XAB2: variants seen among roughly 807,000 people sequenced by gnomAD.
XAB2 encodes pre-mRNA-splicing factor SYF1.
A neutral mutation model predicts 113.4 loss-of-function variants in XAB2; 57 were observed. That is an observed-to-expected ratio of 0.50 (90% CI 0.41 to 0.63). The LOEUF (loss-of-function observed/expected upper bound fraction) is 0.63, where lower values mean the gene tolerates loss of function less well. Ranked by LOEUF, XAB2 falls within the 20% of genes least tolerant of loss-of-function variation. XAB2 has a pLI of 0.00. For synonymous variants in XAB2, 497 were observed against 498.8 expected (o/e 1.00, Z 0.05); for missense variants, 1,037 against 1,233.3 (o/e 0.84, Z 2.38).
rs1475982663 is a variant in XAB2, at chr19:7,625,825, G to A, written c.822+55C>T. 5.8e-6 allele frequency: 9 copies of A among 1,547,104 alleles called. No individual in the cohort carries two copies. The highest frequency in any genetic ancestry group is 1.9e-5 in the Admixed American group (1 of 53,146). On this transcript the variant is annotated intron_variant, in intron 6 of 18. Coordinates refer to ENST00000358368, the MANE Select transcript of XAB2 (RefSeq NM_020196.3). The surrounding 1 kb of genome is among the most constrained non-coding windows in gnomAD (Gnocchi z 5.2). ...TGTGCATGTGTCAACATGTGTCCCCGAGTGTCGGAGGGAGACCCCGCCCCG... is the reference window on the plus strand; with the variant it reads ...TGTGCATGTGTCAACATGTGTCCCCAAGTGTCGGAGGGAGACCCCGCCCCG...
chr19:7,623,369 G>A lies in XAB2; in HGVS notation c.1120-80C>T. 1.9e-6 allele frequency: 3 copies of A among 1,575,150 alleles called. No homozygotes were observed. Among genetic ancestry groups the A allele is most frequent in the Non-Finnish European group, 2.6e-6 (3 of 1,158,236 alleles). ...CGGGGCAGAGCTGTGGCTCTGAGGG[G>A]TGGGGCCTGGAGGGTGCTGTGGCCC... On this transcript the variant is annotated intron_variant, in intron 8 of 18. Coordinates refer to ENST00000358368, the MANE Select transcript of XAB2 (RefSeq NM_020196.3). The surrounding 1 kb of genome is among the most constrained non-coding windows in gnomAD (Gnocchi z 4.6).
At position 7,623,651 on chromosome 19, in the gene XAB2, A is replaced by C; in HGVS notation, c.1119+80T>G. ...CAAAGTCAGGCCCCTAGAAGGTGACATTATGGGTGAAGGTGGGTGGCTCCC... is the reference window on the plus strand; with the variant it reads ...CAAAGTCAGGCCCCTAGAAGGTGACCTTATGGGTGAAGGTGGGTGGCTCCC... On this transcript the variant is annotated intron_variant, in intron 8 of 18. Coordinates refer to ENST00000358368, the MANE Select transcript of XAB2 (RefSeq NM_020196.3). This position sits in a 1 kb window ranked among gnomAD's most constrained non-coding sequence, Gnocchi z 4.6. 6.6e-7 allele frequency: 1 copy of C among 1,504,396 alleles called. No homozygotes were observed. Among genetic ancestry groups the C allele is most frequent in the African/African-American group, 1.4e-5 (1 of 72,072 alleles). 93.2% of individuals were successfully genotyped at this position (1,504,396 alleles called of 1,614,324 possible).
intron 10 of XAB2, 41 bp from the exon 11 acceptor site, chr19:7,622,702 G>A: frequency 6.2e-7 from 1 of 1,610,392 alleles, no homozygotes; most frequent in South Asian, 1.1e-5. Flanking sequence ...CTCAGGGGCT[G>A]TCCCTGGCCC....
In XAB2 at chr19:7,623,333, C is replaced by A; in HGVS notation, c.1120-44G>T. ...AGGTCATATAGGACTCAGGACCCTGCAGATGACGGTCGGGGCAGAGCTGTG... is the reference window on the plus strand; with the variant it reads ...AGGTCATATAGGACTCAGGACCCTGAAGATGACGGTCGGGGCAGAGCTGTG... On this transcript the variant is annotated intron_variant, in intron 8 of 18. Coordinates refer to ENST00000358368, the MANE Select transcript of XAB2 (RefSeq NM_020196.3). This position sits in a 1 kb window ranked among gnomAD's most constrained non-coding sequence, Gnocchi z 4.6. The A allele has an allele frequency of 6.2e-7, 1 of 1,603,270 alleles. No homozygotes were observed. Among genetic ancestry groups the A allele is most frequent in the Non-Finnish European group, 8.5e-7 (1 of 1,173,878 alleles).
At position 7,625,625 on chromosome 19, in the gene XAB2, C is replaced by T. The variant is rs1165688923; in HGVS notation, c.822+255G>A. Among the ~76,000 whole-genome samples the T allele has an allele frequency of 5.9e-5, 9 of 152,058 alleles. No individual in the cohort carries two copies. The highest frequency in any genetic ancestry group is 2.1e-4 in the South Asian group (1 of 4,808). Reference sequence around the variant, plus strand: ...TCCCGAGTAGCTGGGATTACAGGCGCGCACCACCATGTCTGACTAATTTTT... The same window carrying T: ...TCCCGAGTAGCTGGGATTACAGGCGTGCACCACCATGTCTGACTAATTTTT... On this transcript the variant is annotated intron_variant, in intron 6 of 18. Coordinates refer to ENST00000358368, the MANE Select transcript of XAB2 (RefSeq NM_020196.3). This position sits in a 1 kb window ranked among gnomAD's most constrained non-coding sequence, Gnocchi z 5.2.
At position 7,619,736 on chromosome 19, in the gene XAB2, C is replaced by A; in HGVS notation, c.2506+11G>T. The A allele has an allele frequency of 6.2e-7, 1 of 1,613,334 alleles. No individual in the cohort carries two copies. The highest frequency in any genetic ancestry group is 8.5e-7 in the Non-Finnish European group (1 of 1,179,696). On this transcript the variant is annotated intron_variant, in intron 18 of 18. Coordinates refer to ENST00000358368, the MANE Select transcript of XAB2 (RefSeq NM_020196.3). ...GTAATGCCACCGTCCCCGCCCCAGC[C>A]GGGCCCTCACCGTTGGGCTCCAGGT... is the stretch of plus-strand genomic sequence containing the variant.
rs182751570 is a variant in XAB2 at position 7,625,850 on chromosome 19, G to A, written c.822+30C>T. 7.3e-3 allele frequency: 11,528 copies of A among 1,574,038 alleles called. 71 individuals carry two copies. The highest frequency in any genetic ancestry group is 0.02 in the Middle Eastern group (118 of 5,854). On this transcript the variant is annotated intron_variant, in intron 6 of 18. Transcript: ENST00000358368. The surrounding 1 kb of genome is among the most constrained non-coding windows in gnomAD (Gnocchi z 5.2). ...GAGTGTCGGAGGGAGACCCCGCCCC[G>A]AACCCAGAGCCCCGTGTGCCAGCAT...
intron 16 of XAB2, 27 bp from the exon 17 acceptor site, chr19:7,620,102 GCCACGGGGGCCCCTC>G (rs758954156): frequency 2.4e-5 from 39 of 1,605,776 alleles, no homozygotes; most frequent in Admixed American, 6.7e-5. Flanking sequence ...GGGGGTCAGC[GCCACGGGGGCCCCTC>G]CCACACATCG....
intron 1 of XAB2, 126 bp downstream of exon 1, chr19:7,629,351 A>G (rs1028607434): frequency 1.7e-6 from 2 of 1,148,770 alleles, no homozygotes; most frequent in African/African-American, 3.1e-5. Context: ...CTGGCCCATT[A>G]GGGTTCCCAG....
Position 7,629,494 on chromosome 19 carries a change from G to C in XAB2, c.34C>G (p.Arg12Gly). 1 of 1,603,346 alleles carries C rather than the reference G, an allele frequency of 6.2e-7. No individual in the cohort carries two copies. The highest frequency in any genetic ancestry group is 8.5e-7 in the Non-Finnish European group (1 of 1,175,256). The change falls in exon 1 of 19, where the codon CGG becomes GGG. Residue 12 changes from arginine to glycine, a missense_variant. Transcript: ENST00000358368. ...VVMARLSRPERPDLVFEEEDL... is the reference protein window; with the variant it reads ...VVMARLSRPEGPDLVFEEEDL... ...GGACTCACGAAGACAAGGTCCGGCCGCTCGGGCCGCGAGAGTCGCGCCATC... is the reference window on the plus strand; with the variant it reads ...GGACTCACGAAGACAAGGTCCGGCCCCTCGGGCCGCGAGAGTCGCGCCATC...
Position 7,619,617 on chromosome 19 carries a change from G to A in XAB2, c.2537C>T (p.Ala846Val). The A allele has an allele frequency of 6.2e-7, 1 of 1,603,068 alleles. No homozygotes were observed. Among genetic ancestry groups the A allele is most frequent in the Non-Finnish European group, 8.5e-7 (1 of 1,174,518 alleles). Residue 846 changes from alanine (A) to valine (V), a missense_variant, in exon 19 of 19, where the codon GCC becomes GTC. Ala to Val is a moderately conservative substitution (Grantham distance 64). Transcript: ENST00000358368. ...EVRLEQQSVP[A>V]AVFGSLKED is the part of the protein sequence containing the mutation. ...TTCCTTCAGGCTCCCAAACACTGCG[G>A]CTGGCACGCTCTGCTGCTCCAGCCG... is the stretch of plus-strand genomic sequence containing the variant.
rs1054192942 is a variant in XAB2 at position 7,620,147 on chromosome 19, C to G, written c.2267-72G>C. 2.0e-5 allele frequency: 32 copies of G among 1,593,612 alleles called. No homozygotes were observed. The East Asian group carries it at 6.7e-4, about 34-fold the overall frequency. On this transcript the variant is annotated intron_variant, in intron 16 of 18. Coordinates refer to ENST00000358368, the MANE Select transcript of XAB2 (RefSeq NM_020196.3). Reference sequence around the variant, plus strand: ...ACATCGGACGTTGCACTATCCCAGTCCCCCAGGTGATGGCCCAGCCCTCAA... The same window carrying G: ...ACATCGGACGTTGCACTATCCCAGTGCCCCAGGTGATGGCCCAGCCCTCAA...
At position 7,628,200 on chromosome 19, in the gene XAB2, C is replaced by T; in HGVS notation, c.150G>A (p.Lys50=). The change falls in exon 2 of 19, where the codon AAG becomes AAA. Residue 50 remains lysine, a synonymous_variant. Coordinates refer to ENST00000358368, the MANE Select transcript of XAB2 (RefSeq NM_020196.3). The surrounding 1 kb of genome is among the most constrained non-coding windows in gnomAD (Gnocchi z 4.6). ...RYIEFKQGAP[K]PRLNQLYERA... is the part of the protein sequence containing the mutation. ...GCTCGTATAGCTGATTGAGCCTGGG[C>T]TTCGGGGCGCCCTGTTTGAACTCGA... 1 of 1,614,074 alleles carries T rather than the reference C, an allele frequency of 6.2e-7. No individual in the cohort carries two copies. Among genetic ancestry groups the T allele is most frequent in the Non-Finnish European group, 8.5e-7 (1 of 1,180,022 alleles).
chr19:7,621,295 C>G lies in XAB2; in HGVS notation c.1620G>C (p.Ala540=). Residue 540 remains alanine, a splice_region_variant and synonymous_variant, in exon 13 of 19, where the codon GCG becomes GCC. Transcript: ENST00000358368. ...TGAACAGCGAGATGCCGCGCTCGTACGCCTGTTACCAGAGGGAGAGTCACA... is the reference window on the plus strand; with the variant it reads ...TGAACAGCGAGATGCCGCGCTCGTAGGCCTGTTACCAGAGGGAGAGTCACA... The part of the protein sequence containing the change: ...EHKYFEESFK[A]YERGISLFKW... 6.2e-7 allele frequency: 1 copy of G among 1,612,450 alleles called. No homozygotes were observed. The highest frequency in any genetic ancestry group is 8.5e-7 in the Non-Finnish European group (1 of 1,179,634).
In XAB2 at chr19:7,624,015, G is replaced by A. The variant is rs574204526; in HGVS notation, c.968-133C>T. The A allele has an allele frequency of 2.2e-5, 26 of 1,186,364 alleles. No homozygotes were observed. Among genetic ancestry groups the A allele is most frequent in the East Asian group, 1.0e-4 (4 of 38,884 alleles). The allele number at this position is 1,186,364 out of a possible 1,614,324, so 73.5% of individuals were successfully genotyped here. On this transcript the variant is annotated intron_variant, in intron 7 of 18. Coordinates refer to ENST00000358368, the MANE Select transcript of XAB2 (RefSeq NM_020196.3). The surrounding 1 kb of genome is among the most constrained non-coding windows in gnomAD (Gnocchi z 4.2). Reference sequence around the variant, plus strand: ...GCTCTGGGCCCTAGACACTCAGCTCGGGTGTCCACCTGAGCCCCACCCCCA... The same window carrying A: ...GCTCTGGGCCCTAGACACTCAGCTCAGGTGTCCACCTGAGCCCCACCCCCA...
intron 4 of XAB2, among the ~76,000 whole-genome samples, chr19:7,626,860 G>A (rs1407206453): frequency 2.0e-5 from 3 of 152,112 alleles, no homozygotes; most frequent in East Asian, 3.8e-4. Context: ...CCCCACTCCC[G>A]CCCGGCTGGT....
intron 4 of XAB2, among the ~76,000 whole-genome samples, chr19:7,626,997 C>T (rs777973064): frequency 5.3e-5 from 8 of 152,184 alleles, no homozygotes; most frequent in Non-Finnish European, 1.2e-4. Flanking sequence ...CTAAAAGCTC[C>T]GTGCAGGCAG....
intron 1 of XAB2, 110 bp downstream of exon 1, chr19:7,629,367 G>A (rs2031209886): frequency 7.4e-7 from 1 of 1,346,598 alleles, no homozygotes; most frequent in Non-Finnish European, 1.0e-6. Context: ...CCCAGACCTT[G>A]GCCTGGCAGT....
chr19:7,620,679 G>C lies in XAB2; in HGVS notation c.1972-10C>G. On this transcript the variant is annotated splice_polypyrimidine_tract_variant and intron_variant, in intron 14 of 18. Transcript: ENST00000358368. ...GCTCGTCCGACAGCACCTGGACACC[G>C]GGGTTGGGGAGGCCGGGAGTGAGGC... The C allele has an allele frequency of 1.9e-6, 3 of 1,612,034 alleles. No individual in the cohort carries two copies. The highest frequency in any genetic ancestry group is 2.5e-6 in the Non-Finnish European group (3 of 1,179,486).
Sources: allele counts gnomAD v4.1 joint callset (sites outside exome capture counted in the v4.1 genomes callset), GRCh38; gene constraint gnomAD v4.1.1; non-coding constraint Gnocchi (gnomAD v3.1); transcripts MANE v1.5; gene names NCBI Gene and HGNC (gene_info 2026-07-23, HGNC 2026-07-21).